AOPEP: variants seen among roughly 807,000 people sequenced by gnomAD.
The protein encoded by AOPEP is aminopeptidase O.
AOPEP carries 77 observed loss-of-function variants against 98.1 expected under a neutral mutation model. That is an observed-to-expected ratio of 0.78 (90% CI 0.65 to 0.95). The LOEUF (loss-of-function observed/expected upper bound fraction) is 0.95. AOPEP is among the 40% of genes least tolerant of loss of function. The pLI, the probability that AOPEP is intolerant of heterozygous loss-of-function variation, is 0.00. For synonymous variants in AOPEP, 346 were observed against 365.3 expected, an observed-to-expected ratio of 0.95 and a Z score of 0.60; for missense variants, 1,024 against 1,024.7, an observed-to-expected ratio of 1.00 and a Z score of 0.01.
intron 2 of AOPEP, among the ~76,000 whole-genome samples, chr9:94,770,089 C>T (rs1840525232): frequency 6.6e-6 from 1 of 152,224 alleles, no homozygotes; most frequent in Non-Finnish European, 1.5e-5. Context: ...TGAACCCATT[C>T]ATGGACACCA....
intron 13 of AOPEP, among the ~76,000 whole-genome samples, chr9:95,015,240 G>A (rs976039269): frequency 1.2e-4 from 18 of 152,286 alleles, no homozygotes; most frequent in Admixed American, 8.5e-4. Flanking sequence ...AGCACAGATA[G>A]GGGTTTGATT....
chr9:95,075,602 G>A (rs925344551), intron 14 of AOPEP, among the ~76,000 whole-genome samples: 8 of 152,294 alleles, frequency 5.3e-5, no homozygotes, highest in African/African-American at 1.9e-4. Context: ...AAAAATGCTC[G>A]GACATGGTGG....
At chr9:95,013,518 A>G (rs1231854420) in intron 13 of AOPEP, among the ~76,000 whole-genome samples, 1 of 152,008 alleles carries the variant, frequency 6.6e-6, no homozygotes, top group Non-Finnish European at 1.5e-5. Flanking sequence ...TGTGTCTACA[A>G]TGTCAGAGCA....
At chr9:95,025,172 G>T (rs553433215) in intron 13 of AOPEP, among the ~76,000 whole-genome samples, 155 of 152,256 alleles carry the variant, frequency 1.0e-3, no homozygotes, top group African/African-American at 3.7e-3. Flanking sequence ...GCTGCACCTG[G>T]TGCATGTGTC....
intron 2 of AOPEP, among the ~76,000 whole-genome samples, chr9:94,766,291 C>T (rs1234311789): frequency 6.6e-6 from 1 of 152,242 alleles, no homozygotes; most frequent in Non-Finnish European, 1.5e-5. Context: ...GTAATCCCAG[C>T]ACTTTGGGAG....
At chr9:95,088,945 G>A (rs376605404), downstream of AOPEP, among the ~76,000 whole-genome samples, 1 of 152,232 alleles carries the variant, frequency 6.6e-6, no homozygotes, top group African/African-American at 2.4e-5. Context: ...GTCGGCCTTT[G>A]CTGCCTCCAG....
intron 13 of AOPEP, among the ~76,000 whole-genome samples, chr9:95,008,620 G>T (rs770369594): frequency 1.8e-4 from 27 of 152,108 alleles, no homozygotes; most frequent in Non-Finnish European, 2.9e-4. Context: ...TTAAAATAAC[G>T]AATAGTGAAA....
intron 13 of AOPEP, among the ~76,000 whole-genome samples, chr9:95,029,723 A>G (rs1434577738): frequency 6.6e-6 from 1 of 152,222 alleles, no homozygotes; most frequent in Non-Finnish European, 1.5e-5. Context: ...GTGAGAATTT[A>G]AAAAGGAAAG....
the AOPEP span, chr9:95,110,155 G>T: frequency 5.5e-6 from 4 of 731,758 alleles, no homozygotes; most frequent in African/African-American, 1.9e-5. Context: ...ACTACGCAAG[G>T]GTTTTATTTT....
At chr9:94,739,464 G>A (rs1465646595) in intron 1 of AOPEP, among the ~76,000 whole-genome samples, 1 of 152,070 alleles carries the variant, frequency 6.6e-6, no homozygotes, top group Non-Finnish European at 1.5e-5. Flanking sequence ...GACCAACATG[G>A]TGAAACCCTG....
intron 5 of AOPEP, among the ~76,000 whole-genome samples, chr9:94,818,997 A>G (rs1242589016): frequency 2.0e-5 from 3 of 152,268 alleles, no homozygotes; most frequent in Admixed American, 6.5e-5. Context: ...CCGTCTCAAA[A>G]AACAAAAGCA....
intron 2 of AOPEP, among the ~76,000 whole-genome samples, chr9:94,765,808 A>G (rs1248690178): frequency 1.3e-5 from 2 of 152,210 alleles, no homozygotes; most frequent in South Asian, 2.1e-4. Flanking sequence ...ATCTGGAAAT[A>G]GAAAACTCAA....
chr9:94,731,710 G>A (rs990014679), intron 1 of AOPEP, among the ~76,000 whole-genome samples: 4 of 147,792 alleles, frequency 2.7e-5, no homozygotes, highest in Non-Finnish European at 5.9e-5. Context: ...TAAAAGAAAT[G>A]TCAACATATC....
chr9:94,750,862 C>A (rs1835579748), intron 1 of AOPEP, among the ~76,000 whole-genome samples: 1 of 150,882 alleles, frequency 6.6e-6, no homozygotes, highest in African/African-American at 2.4e-5. Flanking sequence ...ATTCTCCTGC[C>A]TCAGCCTCCT....
At chr9:94,901,798 G>A (rs549743495) in intron 5 of AOPEP, among the ~76,000 whole-genome samples, 1 of 152,060 alleles carries the variant, frequency 6.6e-6, no homozygotes, top group Admixed American at 6.6e-5. Context: ...AAAATTAGCC[G>A]GGCGTCGTGG....
chr9:95,082,895 C>T, intron 16 of AOPEP, 176 bp downstream of exon 16: 3 of 659,888 alleles, frequency 4.5e-6, no homozygotes, highest in South Asian at 2.0e-5. Flanking sequence ...GGTATGGGAG[C>T]CCCGGGTCCC....
At chr9:95,090,342 C>G (rs1468753566), downstream of AOPEP, among the ~76,000 whole-genome samples, 1 of 152,262 alleles carries the variant, frequency 6.6e-6, no homozygotes, top group Non-Finnish European at 1.5e-5. Flanking sequence ...CGCAGAGATG[C>G]CAGTGTTTCA....
intron 4 of AOPEP, among the ~76,000 whole-genome samples, chr9:94,794,067 C>G (rs1846365446): frequency 6.6e-6 from 1 of 152,182 alleles, no homozygotes; most frequent in Admixed American, 6.5e-5. Context: ...TAAGGGAATC[C>G]TGCTTGGTCA....
intron 13 of AOPEP, among the ~76,000 whole-genome samples, chr9:95,006,507 A>G (rs893127990): frequency 6.6e-6 from 1 of 152,304 alleles, no homozygotes; most frequent in Non-Finnish European, 1.5e-5. Context: ...AATGTGCACA[A>G]AGCACATCAG....
Sources: allele counts gnomAD v4.1 joint callset (sites outside exome capture counted in the v4.1 genomes callset), GRCh38; gene constraint gnomAD v4.1.1; transcripts MANE v1.5; gene names NCBI Gene and HGNC (gene_info 2026-07-23, HGNC 2026-07-21).